Variants in SEMA3E observed in about 807,000 individuals in gnomAD.
SEMA3E encodes semaphorin 3E, also known as semaphorin-3E.
A neutral mutation model predicts 93.6 loss-of-function variants in SEMA3E; 49 were observed. The ratio of observed to expected loss-of-function variants is 0.52; its 90% confidence interval spans 0.42 to 0.66. The LOEUF is 0.66. SEMA3E is among the 30% of genes least tolerant of loss of function. The pLI is 0.00. For synonymous variants in SEMA3E, 363 were observed against 330.7 expected, an observed-to-expected ratio of 1.10 and a Z score of -1.06; for missense variants, 906 against 964.8, an observed-to-expected ratio of 0.94 and a Z score of 0.81.
intron 1 of SEMA3E, among the ~76,000 whole-genome samples, chr7:83,625,447 G>A (rs1793650837): frequency 6.6e-6 from 1 of 152,032 alleles, no homozygotes; most frequent in African/African-American, 2.4e-5. Flanking sequence ...CACATTGCTT[G>A]TAAGCTGTAT....
At position 83,528,109 on chromosome 7, in the gene SEMA3E, G is replaced by C. The variant is rs533165825; in HGVS notation, c.116-37835C>G. 1.6e-3 allele frequency among the ~76,000 whole-genome samples: 243 copies of C among 151,728 alleles called. No homozygotes were observed. The East Asian group carries it at 0.042, about 26-fold the overall frequency. ...AATTCTTACTATAATGCCCTTTTTG[G>C]TAGGAAAAAGTAACTGTCATCTAAG... On this transcript the variant is annotated intron_variant, in intron 1 of 16. Coordinates refer to ENST00000643230, the MANE Select transcript of SEMA3E (RefSeq NM_012431.3).
intron 3 of SEMA3E, 138 bp downstream of exon 3, chr7:83,469,105 C>T (rs1789836576): frequency 1.6e-6 from 1 of 627,334 alleles, no homozygotes. Context: ...GTTTTATATG[C>T]CTATATATTT....
chr7:83,544,305 ATATAT>A (rs1237369334), intron 1 of SEMA3E, among the ~76,000 whole-genome samples: 2 of 152,092 alleles, frequency 1.3e-5, no homozygotes, highest in African/African-American at 2.4e-5. Context: ...CAAATCCATT[ATATAT>A]TATATCAAAT....
intron 4 of SEMA3E, among the ~76,000 whole-genome samples, chr7:83,432,247 T>C (rs899964150): frequency 2.0e-5 from 3 of 150,224 alleles, no homozygotes; most frequent in East Asian, 1.9e-4. Context: ...TATTAAAAAA[T>C]AGTTTTACAC....
chr7:83,625,708 G>A (rs6974709), intron 1 of SEMA3E, among the ~76,000 whole-genome samples: 50,517 of 151,372 alleles, frequency 0.33, 10,375 homozygotes, highest in African/African-American at 0.57. Flanking sequence ...TCTTTCTCTG[G>A]CATGATTGCC....
At chr7:83,491,651 C>A (rs542285055) in intron 1 of SEMA3E, among the ~76,000 whole-genome samples, 21 of 151,810 alleles carry the variant, frequency 1.4e-4, no homozygotes, top group Non-Finnish European at 2.9e-4. Context: ...AAGAGGTTTG[C>A]CAGATTCTGA....
At chr7:83,401,669 G>A (rs1361838278) in intron 10 of SEMA3E, among the ~76,000 whole-genome samples, 5 of 152,046 alleles carry the variant, frequency 3.3e-5, no homozygotes, top group Non-Finnish European at 5.9e-5. Flanking sequence ...TGATTGAAAT[G>A]GTAAAGCTTT....
chr7:83,555,524 C>T (rs1465493631), intron 1 of SEMA3E, among the ~76,000 whole-genome samples: 1 of 152,166 alleles, frequency 6.6e-6, no homozygotes, highest in African/African-American at 2.4e-5. Context: ...TCATCTACGA[C>T]TTTCTCCCAC....
At chr7:83,617,644 T>G (rs1584367498) in intron 1 of SEMA3E, among the ~76,000 whole-genome samples, 1 of 147,036 alleles carries the variant, frequency 6.8e-6, no homozygotes, top group African/African-American at 2.5e-5. Context: ...ATAAATAATA[T>G]AATTTATTAA....
At chr7:83,485,782 A>G (rs895110576) in intron 2 of SEMA3E, among the ~76,000 whole-genome samples, 1 of 151,998 alleles carries the variant, frequency 6.6e-6, no homozygotes, top group Non-Finnish European at 1.5e-5. Flanking sequence ...TAGGGAGAAG[A>G]CGAAGGTAGC....
intron 4 of SEMA3E, among the ~76,000 whole-genome samples, chr7:83,445,109 G>A (rs181919448): frequency 6.6e-6 from 1 of 152,212 alleles, no homozygotes; most frequent in Admixed American, 6.5e-5. Flanking sequence ...TTACCAACTA[G>A]AAGGCTGTAG....
intron 1 of SEMA3E, among the ~76,000 whole-genome samples, chr7:83,530,702 C>A (rs1667453248): frequency 6.6e-6 from 1 of 152,028 alleles, no homozygotes; most frequent in Admixed American, 6.6e-5. Flanking sequence ...AATGGTGAAA[C>A]CCCATCTCTA....
intron 1 of SEMA3E, among the ~76,000 whole-genome samples, chr7:83,638,092 T>G (rs1793917320): frequency 6.6e-6 from 1 of 152,146 alleles, no homozygotes; most frequent in African/African-American, 2.4e-5. Flanking sequence ...CCAAAAGAAT[T>G]TAAGGGAAAA....
intron 1 of SEMA3E, among the ~76,000 whole-genome samples, chr7:83,619,904 C>CAGACAGACAGACAGACAGATAGAT (rs71522672): frequency 3.2e-4 from 48 of 148,142 alleles, no homozygotes; most frequent in East Asian, 7.9e-4. Flanking sequence ...GATAGATAGA[C>CAGACAGACAGACAGACAGATAGAT]AGATAGATAG....
Position 83,568,106 on chromosome 7 carries a change from A to G in SEMA3E, c.116-77832T>C, listed in dbSNP as rs917466873. 1.1e-4 allele frequency among the ~76,000 whole-genome samples: 17 copies of G among 152,236 alleles called. 2 individuals carry two copies. Among genetic ancestry groups the G allele is most frequent in the East Asian group, 7.7e-4 (4 of 5,188 alleles). Reference sequence around the variant, plus strand: ...ATAAGGGATTATTATGAGCAACTATATACTAACAAACTGGAAACCTAGAAG... The same window carrying G: ...ATAAGGGATTATTATGAGCAACTATGTACTAACAAACTGGAAACCTAGAAG... On this transcript the variant is annotated intron_variant, in intron 1 of 16. Coordinates refer to ENST00000643230, the MANE Select transcript of SEMA3E (RefSeq NM_012431.3).
intron 1 of SEMA3E, among the ~76,000 whole-genome samples, chr7:83,509,631 A>C (rs989986096): frequency 6.6e-6 from 1 of 151,984 alleles, no homozygotes; most frequent in Non-Finnish European, 1.5e-5. Flanking sequence ...TCCAATTTTG[A>C]CTCTGCTTCC....
intron 1 of SEMA3E, among the ~76,000 whole-genome samples, chr7:83,621,101 A>G (rs149026008): frequency 2.0e-5 from 3 of 152,236 alleles, no homozygotes; most frequent in Admixed American, 6.5e-5. Context: ...CAATCCTACC[A>G]TCTCAGCTGT....
chr7:83,484,949 TGA>T lies in SEMA3E; in HGVS notation c.276+5163_276+5164del, dbSNP rs571848914. Among the ~76,000 whole-genome samples, 69 of 152,190 alleles carry T rather than the reference TGA, an allele frequency of 4.5e-4. No homozygotes were observed. In the South Asian group the frequency reaches 0.013, roughly 29 times the overall value. ...ATTGAGCAGAACAACAGAGTAAGTG[TGA>T]GAGAGTGTGTGAGTTCATTGGGAAT... On this transcript the variant is annotated intron_variant, in intron 2 of 16. Coordinates refer to ENST00000643230, the MANE Select transcript of SEMA3E (RefSeq NM_012431.3).
intron 1 of SEMA3E, among the ~76,000 whole-genome samples, chr7:83,531,562 A>G (rs149351250): frequency 0.1 from 15,490 of 151,806 alleles, 975 homozygotes; most frequent in East Asian, 0.21. Flanking sequence ...TACGTTGGCC[A>G]GGCTGGTCTC....
Sources: allele counts gnomAD v4.1 joint callset (sites outside exome capture counted in the v4.1 genomes callset), GRCh38; gene constraint gnomAD v4.1.1; transcripts MANE v1.5; gene names NCBI Gene and HGNC (gene_info 2026-07-23, HGNC 2026-07-21).